MYO19: variants seen among roughly 807,000 people sequenced by gnomAD.
The protein encoded by MYO19 is myosin XIX.
A neutral mutation model predicts 129.2 loss-of-function variants in MYO19; 132 were observed. The ratio of observed to expected loss-of-function variants is 1.02; its 90% CI spans 0.89 to 1.18. The LOEUF (loss-of-function observed/expected upper bound fraction) is 1.18. MYO19 is among the 50% of genes most tolerant of loss of function. The pLI is 0.00. For missense variants in MYO19, 1,210 were observed against 1,216.7 expected, an observed-to-expected ratio of 0.99 and a Z score of 0.08; for synonymous variants, 531 against 477.2, an observed-to-expected ratio of 1.11 and a Z score of -1.47.
chr17:36,508,325 T>C (rs150043177), intron 14 of MYO19: 3 of 163,988 alleles, frequency 1.8e-5, no homozygotes, highest in African/African-American at 4.8e-5. Context: ...TGCCTAGAAT[T>C]CCACCATTCC....
intron 23 of MYO19, chr17:36,499,711 A>T (rs1343558228): frequency 9.3e-6 from 1 of 107,844 alleles, no homozygotes; most frequent in Non-Finnish European, 1.7e-5. Context: ...GGTCTTGCCC[A>T]GGCTGGAGTG....
chr17:36,506,070 G>A (rs2071860857), intron 18 of MYO19, among the ~76,000 whole-genome samples: 1 of 152,158 alleles, frequency 6.6e-6, no homozygotes, highest in Admixed American at 6.5e-5. Flanking sequence ...TACATGCAAG[G>A]ACTGAGAGGT....
chr17:36,517,012 T>C (rs1242377155), intron 6 of MYO19, among the ~76,000 whole-genome samples: 1 of 152,234 alleles, frequency 6.6e-6, no homozygotes, highest in African/African-American at 2.4e-5. Flanking sequence ...CTTTTAACTA[T>C]GACTTCAATT....
At position 36,506,959 on chromosome 17, in the gene MYO19, G is replaced by GT. The variant is rs766280001; in HGVS notation, c.1644+3dup. 378 of 1,588,366 alleles carry GT rather than the reference G, an allele frequency of 2.4e-4. 3 individuals are homozygous for GT. In the Middle Eastern group the frequency reaches 8.0e-3, roughly 34 times the overall value. ...GGCCCCACAGGGCATGGCCCAGCCCGTACCTTGTTCTTCTCCACCAGGCCT... is the reference window on the plus strand; with the variant it reads ...GGCCCCACAGGGCATGGCCCAGCCCGTTACCTTGTTCTTCTCCACCAGGCCT... On this transcript the variant is annotated splice_donor_region_variant and intron_variant, in intron 17 of 25. Coordinates refer to ENST00000614623, the MANE Select transcript of MYO19 (RefSeq NM_001163735.2).
intron 23 of MYO19, 28 bp downstream of exon 23, chr17:36,500,802 A>G (rs936516424): frequency 6.3e-7 from 1 of 1,583,796 alleles, no homozygotes; most frequent in Non-Finnish European, 8.6e-7. Context: ...GTCTGTGAGC[A>G]GTGCTGACAG....
rs1218725546 is a variant in MYO19 at position 36,514,485 on chromosome 17, G to A, written c.681C>T (p.Cys227=). Residue 227 remains cysteine (C), a synonymous_variant, in exon 9 of 26, where the codon TGC becomes TGT. Coordinates refer to ENST00000614623, the MANE Select transcript of MYO19 (RefSeq NM_001163735.2). ...GGAAGTTCCTCTCACTGGAAGCCTGGCAGGCCACTCGAGTTTTCTCTAGGA... is the reference window on the plus strand; with the variant it reads ...GGAAGTTCCTCTCACTGGAAGCCTGACAGGCCACTCGAGTTTTCTCTAGGA... ...TYLLEKTRVA[C]QASSERNFHI... is the part of the protein sequence containing the mutation. 12 of 1,613,552 alleles carry A rather than the reference G, an allele frequency of 7.4e-6. No individual in the cohort carries two copies. The highest frequency in any genetic ancestry group is 1.0e-5 in the Non-Finnish European group (12 of 1,179,584).
intron 21 of MYO19, chr17:36,501,467 G>C: frequency 2.2e-6 from 1 of 447,592 alleles, no homozygotes; most frequent in Non-Finnish European, 4.0e-6. Flanking sequence ...GCGCCTGTGT[G>C]TCCTGGGGTG....
At chr17:36,535,390 G>A (rs979328638), upstream of MYO19, 2 of 152,304 alleles carry the variant, frequency 1.3e-5, no homozygotes, top group South Asian at 2.1e-4. Context: ...GGAGTGGGTA[G>A]CCCACGGGAC....
At chr17:36,521,404 T>G (rs1221923745) in intron 6 of MYO19, among the ~76,000 whole-genome samples, 1 of 151,820 alleles carries the variant, frequency 6.6e-6, no homozygotes, top group African/African-American at 2.4e-5. Context: ...TCCAAAGAAT[T>G]GGAAGGTAAA....
intron 6 of MYO19, among the ~76,000 whole-genome samples, chr17:36,523,079 C>G (rs547945162): frequency 6.8e-6 from 1 of 146,730 alleles, no homozygotes; most frequent in African/African-American, 2.5e-5. Context: ...CCCAGCTACT[C>G]GGGAGGCTGA....
At chr17:36,540,649 C>A (rs1015149169) in intron 2 of MYO19, among the ~76,000 whole-genome samples, 2 of 152,086 alleles carry the variant, frequency 1.3e-5, no homozygotes, top group East Asian at 3.9e-4. Context: ...GGGATATAGG[C>A]ATGAGCCACC....
Position 36,525,270 on chromosome 17 carries a change from G to A in MYO19, c.372C>T (p.Val124=), listed in dbSNP as rs1355147869. The A allele has an allele frequency of 1.2e-6, 2 of 1,613,828 alleles. No individual in the cohort carries two copies. Among genetic ancestry groups the A allele is most frequent in the African/African-American group, 2.7e-5 (2 of 74,920 alleles). ...CTCCACTGACAACAATAGACTGGTTGACTGGTTCAATCAGGCTCTTGACAT... is the reference window on the plus strand; with the variant it reads ...CTCCACTGACAACAATAGACTGGTTAACTGGTTCAATCAGGCTCTTGACAT... ...YRNVKSLIEP[V]NQSIVVSGES... Residue 124 remains valine, a synonymous_variant, in exon 6 of 26, where the codon GTC becomes GTT. Transcript: ENST00000614623.
chr17:36,527,390 G>A (rs1239299419), intron 5 of MYO19, among the ~76,000 whole-genome samples, 161 bp downstream of exon 5: 2 of 152,080 alleles, frequency 1.3e-5, no homozygotes, highest in African/African-American at 2.4e-5. Flanking sequence ...AGTTCTTCAT[G>A]GTTCAAAATT....
intron 23 of MYO19, chr17:36,499,670 T>TCTTTTTTTTTC (rs1411622328): frequency 8.3e-6 from 1 of 119,784 alleles, no homozygotes; most frequent in African/African-American, 3.4e-5. Flanking sequence ...GTTTCTTTTT[T>TCTTTTTTTTTC]TTTTTTTTTT....
At chr17:36,497,558 T>G (rs1271717801) in intron 25 of MYO19, 14 of 985,056 alleles carry the variant, frequency 1.4e-5, no homozygotes, top group Non-Finnish European at 1.2e-5. Flanking sequence ...TCCTCTTTTC[T>G]GTAATTGACC....
chr17:36,523,025 A>C (rs1259513513), intron 6 of MYO19, among the ~76,000 whole-genome samples: 1 of 118,708 alleles, frequency 8.4e-6, no homozygotes, highest in Non-Finnish European at 1.7e-5. Context: ...AACAAAAAAC[A>C]AAAAAAAAAA....
rs184912498 is a variant in MYO19 at position 36,502,944 on chromosome 17, T to C, written c.2080+153A>G. ...CTGCTTTTCCACTTTCCATGCTATT[T>C]GTCTTTTTTGAATCTGTTTCCCCCA... On this transcript the variant is annotated intron_variant, in intron 21 of 25. Transcript: ENST00000614623. 4,836 of 668,858 alleles carry C rather than the reference T, an allele frequency of 7.2e-3. 48 individuals carry two copies. The highest frequency in any genetic ancestry group is 0.026 in the South Asian group (1,436 of 55,578). 41.4% of individuals were successfully genotyped at this position (668,858 alleles called of 1,614,324 possible). A position where few individuals can be genotyped will look rare whatever the true frequency, so the allele number is the denominator to read the frequency against.
chr17:36,531,622 G>A (rs1237068745), intron 3 of MYO19, among the ~76,000 whole-genome samples: 2 of 151,556 alleles, frequency 1.3e-5, no homozygotes, highest in Non-Finnish European at 2.9e-5. Flanking sequence ...TTAAAAATAA[G>A]CAAGAAAAAA....
intron 6 of MYO19, among the ~76,000 whole-genome samples, chr17:36,516,357 T>C (rs575679492): frequency 6.6e-6 from 1 of 152,344 alleles, no homozygotes; most frequent in Non-Finnish European, 1.5e-5. Flanking sequence ...AGGGCTCCCA[T>C]TTATACCCAA....
Sources: gnomAD v4.1 joint callset for allele counts (sites outside exome capture counted in the v4.1 genomes callset) on GRCh38, gnomAD v4.1.1 for gene constraint, MANE v1.5 for transcripts, NCBI Gene and HGNC (gene_info 2026-07-23, HGNC 2026-07-21) for gene names.